The following PEX5L variants were observed in gnomAD, a reference collection of about 807,000 sequenced individuals.
PEX5L encodes the protein PEX5-related protein.
Under a neutral mutation model 84.0 loss-of-function variants are expected in PEX5L, and 30 were observed. The observed-to-expected ratio is 0.36, with a 90% confidence interval of 0.27 to 0.48. The LOEUF is 0.48. Ranked by LOEUF, PEX5L falls within the 20% of genes least tolerant of loss-of-function variation. The pLI is 0.99. For synonymous variants in PEX5L, 270 were observed against 283.1 expected (o/e 0.95, Z 0.46); for missense variants, 533 against 754.6 (o/e 0.71, Z 3.44).
At chr3:180,022,270 A>C (rs1302543896) in intron 1 of PEX5L, among the ~76,000 whole-genome samples, 1 of 152,236 alleles carries the variant, frequency 6.6e-6, no homozygotes, top group Non-Finnish European at 1.5e-5. Flanking sequence ...CAAATGTTCC[A>C]TTTAAAATAG....
At chr3:179,983,481 G>A (rs1786526096) in intron 1 of PEX5L, among the ~76,000 whole-genome samples, 1 of 151,896 alleles carries the variant, frequency 6.6e-6, no homozygotes, top group South Asian at 2.1e-4. Context: ...ATAGTACTAA[G>A]AAATTGTTTG....
At chr3:180,005,948 A>G (rs887361689) in intron 1 of PEX5L, among the ~76,000 whole-genome samples, 1 of 152,210 alleles carries the variant, frequency 6.6e-6, no homozygotes, top group African/African-American at 2.4e-5. Flanking sequence ...GTGATATATC[A>G]TTATTAGACA....
chr3:179,896,283 T>G (rs1017911134), intron 3 of PEX5L: 2 of 152,122 alleles, frequency 1.3e-5, no homozygotes, highest in African/African-American at 4.8e-5. Context: ...TGCATTAAAT[T>G]TTTTGAATCA....
chr3:179,971,497 C>T, intron 2 of PEX5L, 97 bp downstream of exon 2: 1 of 1,422,720 alleles, frequency 7.0e-7, no homozygotes, highest in Non-Finnish European at 9.2e-7. Flanking sequence ...GTCAGACAGG[C>T]TAATACAGCT....
At chr3:179,952,358 T>C (rs925402721) in intron 2 of PEX5L, among the ~76,000 whole-genome samples, 18 of 152,084 alleles carry the variant, frequency 1.2e-4, no homozygotes, top group Admixed American at 8.5e-4. Flanking sequence ...TCAGAAAGGG[T>C]CTACCGCCTT....
chr3:179,927,623 G>A lies in PEX5L; in HGVS notation c.94-29377C>T, dbSNP rs183766842. 1.1e-3 allele frequency among the ~76,000 whole-genome samples: 172 copies of A among 152,202 alleles called. 1 individual carries two copies. The highest frequency in any genetic ancestry group is 0.01 in the Middle Eastern group (3 of 294). On this transcript the variant is annotated intron_variant, in intron 2 of 14. Coordinates refer to ENST00000467460, the MANE Select transcript of PEX5L (RefSeq NM_016559.3). ...AATAATAAAATTGGGCTTGCATTTT[G>A]TGTGACTTTTTCCATTTCATTTATT...
Position 179,798,487 on chromosome 3 carries a change from T to C in PEX5L, c.*3341A>G, listed in dbSNP as rs1013958325. ...ACAACAGCATGTAGAAGTAGCCTAC[T>C]AGAAATGGTTATATTTTGAAACTCA... On this transcript the variant is annotated 3_prime_UTR_variant, in exon 15 of 15. Transcript: ENST00000467460. 6 of 152,234 alleles carry C rather than the reference T, an allele frequency of 3.9e-5. No homozygotes were observed. The highest frequency in any genetic ancestry group is 1.4e-4 in the African/African-American group (6 of 41,462). 9.4% of individuals were successfully genotyped at this position (152,234 alleles called of 1,614,324 possible). A position where few individuals can be genotyped will look rare whatever the true frequency, so the allele number is the denominator to read the frequency against.
chr3:180,002,798 A>C (rs1392394023), intron 1 of PEX5L, among the ~76,000 whole-genome samples: 1 of 152,178 alleles, frequency 6.6e-6, no homozygotes. Flanking sequence ...TCACAAGAGA[A>C]GACTGAGATA....
intron 2 of PEX5L, among the ~76,000 whole-genome samples, chr3:179,948,694 AT>A (rs1447844539): frequency 6.6e-6 from 1 of 152,180 alleles, no homozygotes; most frequent in African/African-American, 2.4e-5. Context: ...CTTCTACCCA[AT>A]CCCCAATCCC....
chr3:180,007,805 T>G (rs933854387), intron 1 of PEX5L, among the ~76,000 whole-genome samples: 2 of 151,726 alleles, frequency 1.3e-5, no homozygotes, highest in Non-Finnish European at 2.9e-5. Flanking sequence ...GTGGCCGGAG[T>G]GGTTGGGACA....
intron 1 of PEX5L, among the ~76,000 whole-genome samples, chr3:180,025,759 C>T (rs1225524138): frequency 6.6e-6 from 1 of 152,164 alleles, no homozygotes; most frequent in African/African-American, 2.4e-5. Flanking sequence ...ACAGGCACGC[C>T]GTGGCTAAAC....
intron 8 of PEX5L, among the ~76,000 whole-genome samples, chr3:179,827,161 A>C (rs1730814970): frequency 6.6e-6 from 1 of 152,208 alleles, no homozygotes; most frequent in Admixed American, 6.5e-5. Context: ...CACTTCATTA[A>C]GAGTTTGTCT....
chr3:179,995,080 GTATA>G (rs754207418), intron 1 of PEX5L, among the ~76,000 whole-genome samples: 5 of 146,194 alleles, frequency 3.4e-5, no homozygotes, highest in African/African-American at 7.5e-5. Context: ...AGCATAGAGA[GTATA>G]TATATAGTAT....
At chr3:179,974,248 A>C in intron 1 of PEX5L, 1 of 957,016 alleles carries the variant, frequency 1.0e-6, no homozygotes, top group Non-Finnish European at 1.2e-6. Context: ...TAATCTCTCC[A>C]CCTTCCAAGT....
At position 179,834,564 on chromosome 3, in the gene PEX5L, G is replaced by C. The variant is rs570030111; in HGVS notation, c.823-14588C>G. 9.8e-5 allele frequency among the ~76,000 whole-genome samples: 15 copies of C among 152,334 alleles called. 1 individual carries two copies. In the East Asian group the frequency reaches 2.1e-3, roughly 22 times the overall value. On this transcript the variant is annotated intron_variant, in intron 8 of 14. Transcript: ENST00000467460. ...TGGAGACTGTGGCTAGTGAGCAGAG[G>C]GGGAAGGAGTAGGGCCGGGAGAGAG...
At chr3:180,028,841 AT>A (rs1791195109) in intron 1 of PEX5L, among the ~76,000 whole-genome samples, 1 of 152,238 alleles carries the variant, frequency 6.6e-6, no homozygotes, top group Non-Finnish European at 1.5e-5. Flanking sequence ...TAATCATCAC[AT>A]TTAGATTTAA....
intron 8 of PEX5L, among the ~76,000 whole-genome samples, chr3:179,849,469 C>T (rs1436253839): frequency 6.6e-6 from 1 of 152,190 alleles, no homozygotes; most frequent in Non-Finnish European, 1.5e-5. Context: ...GGCCCAAATG[C>T]CATATTTTCA....
intron 7 of PEX5L, among the ~76,000 whole-genome samples, chr3:179,872,010 T>C (rs1485104912): frequency 6.6e-6 from 1 of 152,120 alleles, no homozygotes. Flanking sequence ...CTCAGCCTCT[T>C]GAGGAGCTGG....
At chr3:179,898,043 G>A (rs1759948944) in intron 3 of PEX5L, 99 bp downstream of exon 3, 1 of 619,652 alleles carries the variant, frequency 1.6e-6, no homozygotes, top group Non-Finnish European at 2.7e-6. Context: ...TAAAAAAATT[G>A]GTTCAAGAGT....
Sources: gnomAD v4.1 joint callset for allele counts (sites outside exome capture counted in the v4.1 genomes callset) on GRCh38, gnomAD v4.1.1 for gene constraint, MANE v1.5 for transcripts, NCBI Gene and HGNC (gene_info 2026-07-23, HGNC 2026-07-21) for gene names.